Variants in BMPER observed in about 807,000 individuals in gnomAD.
BMPER encodes the protein BMP-binding endothelial regulator protein.
BMPER carries 45 observed loss-of-function variants against 87.3 expected under a neutral mutation model. The ratio of observed to expected loss-of-function variants is 0.52; its 90% confidence interval spans 0.41 to 0.66. The LOEUF is 0.66. Among genes scored for constraint, BMPER ranks in the 30% least tolerant of loss-of-function variants. BMPER has a pLI of 0.00. For synonymous variants in BMPER, 326 were observed against 316.2 expected (o/e 1.03, Z -0.33); for missense variants, 784 against 867.5 (o/e 0.90, Z 1.21).
chr7:33,939,547 T>G (rs1341708383), intron 3 of BMPER, among the ~76,000 whole-genome samples: 1 of 152,160 alleles, frequency 6.6e-6, no homozygotes, highest in Non-Finnish European at 1.5e-5. Flanking sequence ...CACCCAAATC[T>G]CTTCTTGAAT....
At chr7:34,104,302 C>G (rs1789760856) in intron 13 of BMPER, among the ~76,000 whole-genome samples, 3 of 152,132 alleles carry the variant, frequency 2.0e-5, no homozygotes, top group Admixed American at 2.0e-4. Context: ...CAGCTTCCCT[C>G]AAGAGAGATA....
At chr7:34,082,471 C>T (rs1357535696) in intron 12 of BMPER, among the ~76,000 whole-genome samples, 1 of 151,776 alleles carries the variant, frequency 6.6e-6, no homozygotes, top group African/African-American at 2.4e-5. Flanking sequence ...GTAAGTCATC[C>T]CTTCACAATG....
chr7:34,032,309 C>T (rs1348442198), intron 6 of BMPER, among the ~76,000 whole-genome samples: 1 of 151,916 alleles, frequency 6.6e-6, no homozygotes, highest in African/African-American at 2.4e-5. Context: ...GAACGATTTC[C>T]TGGTTTGTAT....
rs141708714 is a variant in BMPER at position 34,066,135 on chromosome 7, A to G, written c.1078+4088A>G. Among the ~76,000 whole-genome samples the G allele has an allele frequency of 9.8e-5, 15 of 152,374 alleles. No individual in the cohort carries two copies. In the East Asian group the frequency reaches 2.5e-3, roughly 25 times the overall value. Reference sequence around the variant, plus strand: ...TCTCAGATCTCTGAAAGGAGTAACGAAGAGGAAACTTGAAGTGCATCTATA... The same window carrying G: ...TCTCAGATCTCTGAAAGGAGTAACGGAGAGGAAACTTGAAGTGCATCTATA... On this transcript the variant is annotated intron_variant, in intron 11 of 14. Coordinates refer to ENST00000649409, the MANE Select transcript of BMPER (RefSeq NM_001365308.1).
At chr7:33,909,680 C>CAAAAAAAAAA (rs60327948) in intron 2 of BMPER, among the ~76,000 whole-genome samples, 2 of 53,504 alleles carry the variant, frequency 3.7e-5, no homozygotes, top group Non-Finnish European at 3.8e-5. Context: ...ATAACATGTA[C>CAAAAAAAAAA]AAAAAAAAAA....
chr7:34,103,426 C>T (rs566663919), intron 13 of BMPER, among the ~76,000 whole-genome samples: 26 of 152,286 alleles, frequency 1.7e-4, no homozygotes, highest in Non-Finnish European at 3.4e-4. Flanking sequence ...TGGTATTCTA[C>T]AGGGGGAGCG....
At chr7:34,090,889 G>A (rs1214112015) in intron 13 of BMPER, among the ~76,000 whole-genome samples, 1 of 152,180 alleles carries the variant, frequency 6.6e-6, no homozygotes. Context: ...CGAAAACCCT[G>A]TTCACTTGTT....
At chr7:34,038,576 A>G (rs560916895) in intron 6 of BMPER, among the ~76,000 whole-genome samples, 1 of 152,286 alleles carries the variant, frequency 6.6e-6, no homozygotes, top group African/African-American at 2.4e-5. Flanking sequence ...TAATAACAAT[A>G]ATGCAGTTAT....
chr7:34,016,740 A>G (rs1010838951), intron 6 of BMPER, among the ~76,000 whole-genome samples: 1 of 152,010 alleles, frequency 6.6e-6, no homozygotes, highest in Non-Finnish European at 1.5e-5. Flanking sequence ...ACGCCCTCAT[A>G]GAAAACACTT....
intron 11 of BMPER, among the ~76,000 whole-genome samples, chr7:34,073,043 G>GTT (rs1255132777): frequency 2.2e-4 from 34 of 152,106 alleles, no homozygotes; most frequent in Non-Finnish European, 3.8e-4. Flanking sequence ...GTTACCTGCT[G>GTT]TATGTGTCAT....
At chr7:34,037,927 T>A (rs539216789) in intron 6 of BMPER, among the ~76,000 whole-genome samples, 2 of 152,334 alleles carry the variant, frequency 1.3e-5, no homozygotes, top group East Asian at 3.9e-4. Flanking sequence ...TATCTTTTCC[T>A]TAGGAAAGCA....
At chr7:34,114,288 A>G (rs1583452948) in intron 13 of BMPER, among the ~76,000 whole-genome samples, 1 of 152,184 alleles carries the variant, frequency 6.6e-6, no homozygotes, top group Non-Finnish European at 1.5e-5. Context: ...ATGCCGGTCT[A>G]CTTTTTGGCC....
At chr7:33,936,284 CG>C in intron 2 of BMPER, among the ~76,000 whole-genome samples, 1 of 152,276 alleles carries the variant, frequency 6.6e-6, no homozygotes. Flanking sequence ...CAACCTGCCC[CG>C]AGATGAGGCA....
At position 33,905,661 on chromosome 7, in the gene BMPER, C is replaced by T; in HGVS notation, c.48C>T (p.Arg16=). 1 of 1,613,500 alleles carries T rather than the reference C, an allele frequency of 6.2e-7. No individual in the cohort carries two copies. The highest frequency in any genetic ancestry group is 2.2e-5 in the East Asian group (1 of 44,830). ...GVGALAERYC[R]RSPGITCCVL... ...GGGCTCTGGCTGAGCGTTACTGCCG[C>T]CGCTCGCCTGGGATTACGTGCTGCG... The change falls in exon 1 of 15, where the codon CGC becomes CGT. Residue 16 remains arginine (R), a synonymous_variant. Coordinates refer to ENST00000649409, the MANE Select transcript of BMPER (RefSeq NM_001365308.1).
chr7:34,100,077 A>G (rs372938046), intron 13 of BMPER, among the ~76,000 whole-genome samples: 4 of 152,154 alleles, frequency 2.6e-5, no homozygotes, highest in African/African-American at 9.6e-5. Flanking sequence ...TTCAACTGTT[A>G]TATAAATATT....
chr7:34,034,626 C>T (rs1209417095), intron 6 of BMPER, among the ~76,000 whole-genome samples: 1 of 152,226 alleles, frequency 6.6e-6, no homozygotes, highest in Non-Finnish European at 1.5e-5. Context: ...TTTCCTTTTT[C>T]TGTGTTCTAC....
Position 34,091,368 on chromosome 7 carries a change from A to T in BMPER, c.1745+5276A>T, listed in dbSNP as rs1383425751. On this transcript the variant is annotated intron_variant, in intron 13 of 14. Coordinates refer to ENST00000649409, the MANE Select transcript of BMPER (RefSeq NM_001365308.1). ...ACATTTTTGTTTACATCTTGTAATGACTTGTCAAGAACTGCCATTAGAACT... is the reference window on the plus strand; with the variant it reads ...ACATTTTTGTTTACATCTTGTAATGTCTTGTCAAGAACTGCCATTAGAACT... 3.9e-5 allele frequency among the ~76,000 whole-genome samples: 6 copies of T among 152,210 alleles called. No homozygotes were observed. The East Asian group carries it at 1.2e-3, about 29-fold the overall frequency.
At chr7:34,090,526 T>G (rs1221112389) in intron 13 of BMPER, among the ~76,000 whole-genome samples, 1 of 152,162 alleles carries the variant, frequency 6.6e-6, no homozygotes, top group Non-Finnish European at 1.5e-5. Context: ...CTTCCCGCTG[T>G]GGACTTAGGC....
At chr7:34,149,841 G>A in intron 14 of BMPER, among the ~76,000 whole-genome samples, 1 of 151,800 alleles carries the variant, frequency 6.6e-6, no homozygotes, top group East Asian at 1.9e-4. Flanking sequence ...AGATGAGCCT[G>A]TCAACATTAA....
Sources: allele counts gnomAD v4.1 joint callset (sites outside exome capture counted in the v4.1 genomes callset), GRCh38; gene constraint gnomAD v4.1.1; transcripts MANE v1.5; gene names NCBI Gene and HGNC (gene_info 2026-07-23, HGNC 2026-07-21).